GRID1: variants seen among roughly 807,000 people sequenced by gnomAD.
The protein encoded by GRID1 is glutamate ionotropic receptor delta type subunit 1, also known as glutamate receptor ionotropic, delta-1.
A neutral mutation model predicts 98.0 loss-of-function variants in GRID1; 28 were observed. The observed-to-expected ratio is 0.29, with a 90% confidence interval of 0.21 to 0.39. The LOEUF (loss-of-function observed/expected upper bound fraction) is 0.39. GRID1 is among the 10% of genes least tolerant of loss of function. The pLI, the probability that GRID1 is intolerant of heterozygous loss-of-function variation, is 1.00. For missense variants in GRID1, 1,111 were observed against 1,340.5 expected (o/e 0.83, Z 2.67); for synonymous variants, 553 against 538.5 (o/e 1.03, Z -0.37).
In GRID1 at chr10:85,727,938, T is replaced by A; in HGVS notation, c.1450A>T (p.Ile484Phe). The stretch of plus-strand genomic sequence containing the variant: ...TACCTGCCATCAGGGGCTTGGTAAA[T>A]CTCATATTTAAAGCCCAGAGCCTTG... ...LAKALGFKYE[I>F]YQAPDGRYGH... The change falls in exon 10 of 16, where the codon ATT becomes TTT. Residue 484 changes from isoleucine (I) to phenylalanine (F), a missense_variant. Ile to Phe is a conservative substitution (Grantham distance 21). Coordinates refer to ENST00000327946, the MANE Select transcript of GRID1 (RefSeq NM_017551.3). 3 of 1,613,944 alleles carry A rather than the reference T, an allele frequency of 1.9e-6. No individual in the cohort carries two copies. The highest frequency in any genetic ancestry group is 2.5e-6 in the Non-Finnish European group (3 of 1,179,892).
rs1447483714 is a variant in GRID1 at position 85,599,553 on chromosome 10, T to C, written c.*2720A>G. ...AGAGCATAGGGAGCAAAGACAAGAT[T>C]TATTATTAAACAACTTTAATCCAAA... On this transcript the variant is annotated 3_prime_UTR_variant, in exon 16 of 16. Transcript: ENST00000327946. 1 of 152,284 alleles carries C rather than the reference T, an allele frequency of 6.6e-6. No individual in the cohort carries two copies. The highest frequency in any genetic ancestry group is 1.5e-5 in the Non-Finnish European group (1 of 67,988). 9.4% of individuals were successfully genotyped at this position (152,284 alleles called of 1,614,324 possible).
chr10:86,176,559 G>C (rs1290729224), intron 3 of GRID1, among the ~76,000 whole-genome samples: 1 of 152,166 alleles, frequency 6.6e-6, no homozygotes, highest in Non-Finnish European at 1.5e-5. Context: ...AGAAGACGAG[G>C]AGATGATCGT....
intron 12 of GRID1, among the ~76,000 whole-genome samples, chr10:85,719,529 GA>G (rs1348996213): frequency 6.6e-6 from 1 of 152,152 alleles, no homozygotes; most frequent in Non-Finnish European, 1.5e-5. Flanking sequence ...GGTGGCAAGA[GA>G]AAATGAGGAA....
At chr10:86,285,857 A>T (rs998316818) in intron 2 of GRID1, among the ~76,000 whole-genome samples, 11 of 152,258 alleles carry the variant, frequency 7.2e-5, no homozygotes, top group Admixed American at 2.0e-4. Flanking sequence ...TTTCTCATCA[A>T]CATTGTAATG....
intron 5 of GRID1, among the ~76,000 whole-genome samples, chr10:85,899,694 C>A (rs1841351721): frequency 6.6e-6 from 1 of 152,214 alleles, no homozygotes; most frequent in African/African-American, 2.4e-5. Flanking sequence ...CCTCGGCTTG[C>A]TATTCTTGCC....
At chr10:86,208,258 C>T (rs901796710) in intron 2 of GRID1, among the ~76,000 whole-genome samples, 15 of 152,146 alleles carry the variant, frequency 9.9e-5, no homozygotes, top group Non-Finnish European at 2.2e-4. Context: ...CGGTTCTCTC[C>T]TCTTCAAGGC....
chr10:86,342,402 A>G (rs1374422616), intron 2 of GRID1, among the ~76,000 whole-genome samples: 1 of 152,172 alleles, frequency 6.6e-6, no homozygotes, highest in Non-Finnish European at 1.5e-5. Flanking sequence ...GGAAATCAAG[A>G]TGAACCCAGC....
intron 4 of GRID1, among the ~76,000 whole-genome samples, chr10:85,949,903 T>TAGGG (rs1174232167): frequency 1.5e-5 from 2 of 136,928 alleles, no homozygotes; most frequent in Admixed American, 1.4e-4. Context: ...GAGAGAACTA[T>TAGGG]AGGGATGGAT....
intron 4 of GRID1, among the ~76,000 whole-genome samples, chr10:85,970,838 G>T (rs11599439): frequency 0.13 from 19,546 of 151,928 alleles, 1,384 homozygotes; most frequent in Admixed American, 0.22. Flanking sequence ...TGCAAATCAG[G>T]CAAGAAAAGG....
chr10:85,629,476 A>T (rs1842950784), intron 13 of GRID1, among the ~76,000 whole-genome samples: 1 of 151,946 alleles, frequency 6.6e-6, no homozygotes, highest in South Asian at 2.1e-4. Context: ...AAGTGAGAAC[A>T]TGTGGTATTT....
At chr10:86,134,389 G>C (rs542982040) in intron 4 of GRID1, among the ~76,000 whole-genome samples, 62 of 152,366 alleles carry the variant, frequency 4.1e-4, no homozygotes, top group African/African-American at 1.4e-3. Context: ...GTGGATGACA[G>C]ATGAATAGAT....
intron 3 of GRID1, among the ~76,000 whole-genome samples, chr10:86,152,913 T>C (rs951021995): frequency 3.9e-5 from 6 of 152,254 alleles, no homozygotes; most frequent in African/African-American, 1.2e-4. Flanking sequence ...CTTTAAATTA[T>C]GTATTTAATT....
intron 6 of GRID1, among the ~76,000 whole-genome samples, chr10:85,857,313 G>A (rs769026112): frequency 2.0e-5 from 3 of 152,294 alleles, no homozygotes; most frequent in South Asian, 2.1e-4. Context: ...TGTGAAGAAC[G>A]ACACTACAGC....
Position 86,138,876 on chromosome 10 carries a change from C to A in GRID1, c.669G>T (p.Thr223=). The part of the protein sequence containing the change: ...KTEELNRYRD[T]LRRAILLLSP... ...TGAGCAGCAGGATGGCGCGGCGAAGCGTGTCCCGGTAGCGATTCAGCTCCT... is the reference window on the plus strand; with the variant it reads ...TGAGCAGCAGGATGGCGCGGCGAAGAGTGTCCCGGTAGCGATTCAGCTCCT... Residue 223 remains threonine (T), a synonymous_variant, in exon 4 of 16, where the codon ACG becomes ACT. Transcript: ENST00000327946. 39 of 1,614,212 alleles carry A rather than the reference C, an allele frequency of 2.4e-5. No individual in the cohort carries two copies. Among genetic ancestry groups the A allele is most frequent in the Non-Finnish European group, 3.2e-5 (38 of 1,180,032 alleles).
At chr10:86,294,482 G>A (rs1847560017) in intron 2 of GRID1, among the ~76,000 whole-genome samples, 1 of 152,204 alleles carries the variant, frequency 6.6e-6, no homozygotes, top group African/African-American at 2.4e-5. Flanking sequence ...AGACGATGGT[G>A]GCTTAGCCAT....
At chr10:85,626,370 TG>T (rs1357387814) in intron 13 of GRID1, among the ~76,000 whole-genome samples, 2 of 152,218 alleles carry the variant, frequency 1.3e-5, no homozygotes, top group Non-Finnish European at 2.9e-5. Context: ...AAGTATGGAC[TG>T]GGGAAAATTC....
intron 2 of GRID1, among the ~76,000 whole-genome samples, chr10:86,336,872 T>G (rs1200670287): frequency 2.2e-5 from 3 of 134,530 alleles, no homozygotes; most frequent in Non-Finnish European, 4.6e-5. Context: ...TGAGACGGAG[T>G]CTCGCTCTGT....
intron 2 of GRID1, among the ~76,000 whole-genome samples, chr10:86,256,174 C>G (rs1266932513): frequency 1.3e-5 from 2 of 152,174 alleles, no homozygotes; most frequent in African/African-American, 4.8e-5. Context: ...CCAATAGCTC[C>G]AACTCCTAGG....
Position 86,310,130 on chromosome 10 carries a change from C to T in GRID1, c.235+53811G>A, listed in dbSNP as rs543569354. Among the ~76,000 whole-genome samples the T allele has an allele frequency of 4.6e-4, 70 of 152,360 alleles. 1 individual carries two copies. The highest frequency in any genetic ancestry group is 1.6e-3 in the African/African-American group (68 of 41,592). ...CCCAGGGCAGTGCCCTCACCCTCACCTGGCTCTCCTGCTGGCTCTGACCTG... is the reference window on the plus strand; with the variant it reads ...CCCAGGGCAGTGCCCTCACCCTCACTTGGCTCTCCTGCTGGCTCTGACCTG... On this transcript the variant is annotated intron_variant, in intron 2 of 15. Transcript: ENST00000327946.
Sources: allele counts gnomAD v4.1 joint callset (sites outside exome capture counted in the v4.1 genomes callset), GRCh38; gene constraint gnomAD v4.1.1; transcripts MANE v1.5; gene names NCBI Gene and HGNC (gene_info 2026-07-23, HGNC 2026-07-21).